Variants in CCDC171 observed in about 807,000 individuals in gnomAD.
CCDC171 encodes the protein coiled-coil domain containing 171.
Under a neutral mutation model 168.2 loss-of-function variants are expected in CCDC171, and 177 were observed. That is an observed-to-expected ratio of 1.05 (90% confidence interval 0.93 to 1.19). The LOEUF is 1.19. Ranked by LOEUF, CCDC171 falls within the 50% of genes most tolerant of loss-of-function variation. CCDC171 has a pLI of 0.00. For missense variants in CCDC171, 1,991 were observed against 1,539.0 expected, an observed-to-expected ratio of 1.29 and a Z score of -4.91; for synonymous variants, 687 against 540.8, an observed-to-expected ratio of 1.27 and a Z score of -3.75.
At chr9:15,877,199 C>CAAACAAAG (rs1340638688) in intron 24 of CCDC171, among the ~76,000 whole-genome samples, 4 of 151,604 alleles carry the variant, frequency 2.6e-5, no homozygotes, top group African/African-American at 9.7e-5. Flanking sequence ...AACAAACAAA[C>CAAACAAAG]AAACAAAAAG....
chr9:15,719,209 T>C (rs2053291432), intron 11 of CCDC171, among the ~76,000 whole-genome samples: 1 of 152,002 alleles, frequency 6.6e-6, no homozygotes, highest in Non-Finnish European at 1.5e-5. Flanking sequence ...TGTCAAAGTC[T>C]CTTAACAGTA....
intron 11 of CCDC171, among the ~76,000 whole-genome samples, chr9:15,704,347 A>G (rs951427951): frequency 3.9e-5 from 6 of 152,198 alleles, no homozygotes; most frequent in African/African-American, 1.4e-4. Context: ...ACATAATGAG[A>G]TCCCATCTTT....
At chr9:15,742,782 A>T (rs779754752) in intron 16 of CCDC171, among the ~76,000 whole-genome samples, 18 of 152,068 alleles carry the variant, frequency 1.2e-4, no homozygotes, top group Non-Finnish European at 2.2e-4. Flanking sequence ...AGTACATGTG[A>T]TTTAGTAACT....
At chr9:16,054,236 C>T (rs1833797663) in intron 1 of CCDC171, among the ~76,000 whole-genome samples, 1 of 152,138 alleles carries the variant, frequency 6.6e-6, no homozygotes, top group African/African-American at 2.4e-5. Context: ...ACCCTGGTAA[C>T]CCATTATCCT....
At chr9:15,611,013 T>TG (rs1376956422) in intron 6 of CCDC171, among the ~76,000 whole-genome samples, 1 of 152,110 alleles carries the variant, frequency 6.6e-6, no homozygotes, top group Non-Finnish European at 1.5e-5. Flanking sequence ...GAGGAGATCA[T>TG]GGGGGCAGAT....
chr9:15,743,034 C>T (rs1019558630), intron 16 of CCDC171, among the ~76,000 whole-genome samples: 1 of 151,926 alleles, frequency 6.6e-6, no homozygotes, highest in African/African-American at 2.4e-5. Flanking sequence ...TCACCTTGGC[C>T]TCCAAAAGTG....
chr9:15,693,098 C>G (rs1270886248), intron 10 of CCDC171, among the ~76,000 whole-genome samples: 2 of 152,020 alleles, frequency 1.3e-5, no homozygotes, highest in African/African-American at 4.8e-5. Context: ...GATCATGCCA[C>G]TGCACTCCCG....
rs34321651 is a variant in CCDC171, at chr9:15,860,142, G to GT, written c.3468+11205dup. Among the ~76,000 whole-genome samples the GT allele has an allele frequency of 7.5e-3, 1,100 of 147,558 alleles. 17 individuals are homozygous for GT. The highest frequency in any genetic ancestry group is 0.026 in the African/African-American group (1,043 of 40,324). On this transcript the variant is annotated intron_variant, in intron 23 of 25. Transcript: ENST00000380701. ...ATCAGTTATAATTTGTCCTTTTTGTGTTTTTTTTTTAGTTTTATCTTTTTT... is the reference window on the plus strand; with the variant it reads ...ATCAGTTATAATTTGTCCTTTTTGTGTTTTTTTTTTTAGTTTTATCTTTTTT...
chr9:16,108,579 T>G, the CCDC171 span, among the ~76,000 whole-genome samples: 3 of 152,124 alleles, frequency 2.0e-5, no homozygotes, highest in Non-Finnish European at 2.9e-5. Context: ...AGAATAGGAT[T>G]TCAGGGACTG....
intron 10 of CCDC171, among the ~76,000 whole-genome samples, chr9:15,694,013 C>G (rs2051022847): frequency 1.3e-5 from 2 of 152,162 alleles, no homozygotes; most frequent in Non-Finnish European, 2.9e-5. Context: ...ACCAAGGTCA[C>G]CAATGACTTC....
chr9:16,094,206 G>T, the CCDC171 span, among the ~76,000 whole-genome samples: 2 of 152,168 alleles, frequency 1.3e-5, no homozygotes, highest in Non-Finnish European at 2.9e-5. Flanking sequence ...GCTGCATCAG[G>T]TTAAAGTATT....
chr9:15,946,707 C>T (rs1214056246), intron 25 of CCDC171, among the ~76,000 whole-genome samples: 6 of 151,964 alleles, frequency 3.9e-5, no homozygotes, highest in African/African-American at 7.2e-5. Flanking sequence ...GAGCCTGCAT[C>T]GCCAAGTCAA....
At chr9:15,762,798 C>T (rs1489351506) in intron 18 of CCDC171, among the ~76,000 whole-genome samples, 1 of 152,176 alleles carries the variant, frequency 6.6e-6, no homozygotes, top group East Asian at 1.9e-4. Context: ...GTCACCCCTG[C>T]TCCTACCTGG....
At chr9:16,016,310 G>A (rs987859543) in intron 3 of CCDC171, among the ~76,000 whole-genome samples, 23 of 152,052 alleles carry the variant, frequency 1.5e-4, no homozygotes, top group African/African-American at 5.6e-4. Flanking sequence ...TATCTGGAAG[G>A]GTTGTGGTGA....
intron 16 of CCDC171, among the ~76,000 whole-genome samples, chr9:15,742,708 G>A (rs2054964387): frequency 6.6e-6 from 1 of 152,114 alleles, no homozygotes; most frequent in Non-Finnish European, 1.5e-5. Flanking sequence ...TACTCCTCTG[G>A]CAACCTGGAA....
intron 3 of CCDC171, among the ~76,000 whole-genome samples, chr9:16,017,132 T>C (rs1833046148): frequency 6.6e-6 from 1 of 152,206 alleles, no homozygotes; most frequent in South Asian, 2.1e-4. Context: ...AGTTAATTTT[T>C]CTATTGTATA....
At chr9:15,921,713 TTAA>T (rs1377563123) in intron 25 of CCDC171, among the ~76,000 whole-genome samples, 1 of 151,692 alleles carries the variant, frequency 6.6e-6, no homozygotes, top group Non-Finnish European at 1.5e-5. Flanking sequence ...TGTTAATTTC[TTAA>T]TGAGAGATTA....
intron 23 of CCDC171, among the ~76,000 whole-genome samples, chr9:15,865,452 A>T (rs1305780938): frequency 2.6e-5 from 4 of 151,384 alleles, no homozygotes. Context: ...GTGTGGGTCC[A>T]CTTATACGTG....
At chr9:15,958,090 G>C (rs956225286) in intron 25 of CCDC171, among the ~76,000 whole-genome samples, 33 of 152,130 alleles carry the variant, frequency 2.2e-4, no homozygotes, top group African/African-American at 6.5e-4. Flanking sequence ...ATATGGATTA[G>C]AATAAGTCCA....
Sources: gnomAD v4.1 joint callset for allele counts (sites outside exome capture counted in the v4.1 genomes callset) on GRCh38, gnomAD v4.1.1 for gene constraint, MANE v1.5 for transcripts, NCBI Gene and HGNC (gene_info 2026-07-23, HGNC 2026-07-21) for gene names.